Variants in DGKB observed in about 807,000 individuals in gnomAD.
DGKB encodes the protein 90 kDa diacylglycerol kinase.
A neutral mutation model predicts 114.3 loss-of-function variants in DGKB; 67 were observed. That is an observed-to-expected ratio of 0.59 (90% CI 0.48 to 0.72). The LOEUF (loss-of-function observed/expected upper bound fraction) is 0.72, where lower values mean the gene tolerates loss of function less well. DGKB is among the 30% of genes least tolerant of loss of function. The pLI is 0.00. For missense variants in DGKB, 907 were observed against 975.2 expected (o/e 0.93, Z 0.93); for synonymous variants, 398 against 323.1 (o/e 1.23, Z -2.49).
intron 20 of DGKB, among the ~76,000 whole-genome samples, chr7:14,494,858 C>T (rs925199399): frequency 1.3e-4 from 20 of 151,720 alleles, no homozygotes; most frequent in African/African-American, 4.8e-4. Context: ...TACACTTGAC[C>T]AGTATCTAGT....
chr7:14,246,115 G>C (rs757297251), intron 23 of DGKB, among the ~76,000 whole-genome samples: 7 of 152,134 alleles, frequency 4.6e-5, no homozygotes, highest in Middle Eastern at 3.2e-3. Flanking sequence ...GTACTGGTTT[G>C]TCTGCAATGT....
chr7:14,316,769 C>G (rs1806625567), intron 23 of DGKB, among the ~76,000 whole-genome samples: 1 of 151,496 alleles, frequency 6.6e-6, no homozygotes, highest in South Asian at 2.1e-4. Context: ...AGGGAATCCT[C>G]CCTAACTCAT....
intron 21 of DGKB, among the ~76,000 whole-genome samples, chr7:14,418,537 A>T (rs921927432): frequency 6.6e-6 from 1 of 151,626 alleles, no homozygotes; most frequent in Non-Finnish European, 1.5e-5. Flanking sequence ...TACAAATGTT[A>T]GCTGTCATTA....
At chr7:14,211,368 CTCGTGTTTTGTGATTTTA>C (rs1562627896) in intron 23 of DGKB, among the ~76,000 whole-genome samples, 1 of 107,666 alleles carries the variant, frequency 9.3e-6, no homozygotes, top group African/African-American at 4.6e-5. Flanking sequence ...GATATTTACT[CTCGTGTTTTGTGATTTTA>C]CTCTCATGTT....
At chr7:14,263,964 A>T (rs1168329592) in intron 23 of DGKB, among the ~76,000 whole-genome samples, 2 of 152,210 alleles carry the variant, frequency 1.3e-5, no homozygotes, top group East Asian at 1.9e-4. Context: ...TTTAGAAAAA[A>T]ATCTTTTGCG....
chr7:14,663,918 A>G (rs950850774), intron 13 of DGKB, among the ~76,000 whole-genome samples: 5 of 151,948 alleles, frequency 3.3e-5, no homozygotes, highest in South Asian at 2.1e-4. Flanking sequence ...CAACTGCTAT[A>G]GTTTTAAGGG....
intron 6 of DGKB, among the ~76,000 whole-genome samples, chr7:14,714,718 A>T (rs574774823): frequency 2.4e-4 from 37 of 152,280 alleles, no homozygotes; most frequent in Non-Finnish European, 5.4e-4. Flanking sequence ...TAGAGCTATA[A>T]CCCAAAGAAT....
chr7:14,631,818 A>C (rs1410771506), intron 13 of DGKB, among the ~76,000 whole-genome samples: 4 of 152,004 alleles, frequency 2.6e-5, no homozygotes, highest in African/African-American at 9.7e-5. Flanking sequence ...AGACATGGAT[A>C]TAGTCCTTCC....
At chr7:14,167,860 T>C (rs541482099) in intron 25 of DGKB, among the ~76,000 whole-genome samples, 191 of 152,278 alleles carry the variant, frequency 1.3e-3, no homozygotes, top group African/African-American at 4.4e-3. Context: ...CCTGTGAGAA[T>C]TGAAAATACC....
chr7:14,679,630 G>C (rs1820487741), intron 12 of DGKB, among the ~76,000 whole-genome samples: 1 of 151,972 alleles, frequency 6.6e-6, no homozygotes. Context: ...GCCAGCACTG[G>C]CAGTGCCATA....
At chr7:14,255,631 A>T (rs73069654) in intron 23 of DGKB, among the ~76,000 whole-genome samples, 5,591 of 152,156 alleles carry the variant, frequency 0.037, 131 homozygotes, top group Non-Finnish European at 0.048. Flanking sequence ...AAATAATATA[A>T]TGCATACCTA....
intron 20 of DGKB, among the ~76,000 whole-genome samples, chr7:14,553,230 T>G (rs555945914): frequency 6.6e-6 from 1 of 152,360 alleles, no homozygotes; most frequent in African/African-American, 2.4e-5. Flanking sequence ...GCTTTGTCAC[T>G]TTCCTTTATA....
At chr7:14,520,038 GT>G (rs1235492961) in intron 20 of DGKB, among the ~76,000 whole-genome samples, 1 of 151,514 alleles carries the variant, frequency 6.6e-6, no homozygotes, top group African/African-American at 2.4e-5. Flanking sequence ...AGAACAAATA[GT>G]TTTAATTTTA....
intron 17 of DGKB, among the ~76,000 whole-genome samples, chr7:14,606,636 G>A (rs551066791): frequency 1.3e-5 from 2 of 151,502 alleles, no homozygotes; most frequent in South Asian, 2.1e-4. Context: ...AGCTTATAGA[G>A]CTTCTGTCCA....
chr7:14,922,485 T>C (rs1784558360), intron 1 of DGKB, among the ~76,000 whole-genome samples: 1 of 151,718 alleles, frequency 6.6e-6, no homozygotes, highest in African/African-American at 2.4e-5. Flanking sequence ...TTGCTTTAGA[T>C]AGTGCCGTCA....
chr7:14,751,703 G>A (rs539793460), intron 4 of DGKB, among the ~76,000 whole-genome samples: 17 of 152,224 alleles, frequency 1.1e-4, no homozygotes, highest in South Asian at 6.2e-4. Flanking sequence ...CAAATTACAC[G>A]TCATGTTCCC....
intron 23 of DGKB, among the ~76,000 whole-genome samples, chr7:14,261,752 G>T (rs1796811087): frequency 6.6e-6 from 1 of 152,096 alleles, no homozygotes; most frequent in African/African-American, 2.4e-5. Flanking sequence ...AAAATAATCT[G>T]GTGATATTTT....
intron 2 of DGKB, among the ~76,000 whole-genome samples, chr7:14,795,187 T>C (rs571554555): frequency 1.3e-5 from 2 of 152,248 alleles, no homozygotes; most frequent in Non-Finnish European, 2.9e-5. Context: ...ATGTACGAAA[T>C]TGATAACTAA....
chr7:14,382,268 C>A (rs1009110317), intron 21 of DGKB, among the ~76,000 whole-genome samples: 5 of 151,260 alleles, frequency 3.3e-5, no homozygotes, highest in Non-Finnish European at 5.9e-5. Context: ...AGCCCTTGTG[C>A]ACAGATATAC....
Sources: allele counts gnomAD v4.1 joint callset (sites outside exome capture counted in the v4.1 genomes callset), GRCh38; gene constraint gnomAD v4.1.1; transcripts MANE v1.5; gene names NCBI Gene and HGNC (gene_info 2026-07-23, HGNC 2026-07-21).